Variants in SLC39A11 observed in about 807,000 individuals in gnomAD.
SLC39A11 encodes the protein solute carrier family 39 member 11, also known as zinc transporter ZIP11.
A neutral mutation model predicts 36.1 loss-of-function variants in SLC39A11; 33 were observed. The observed-to-expected ratio is 0.91, with a 90% CI of 0.69 to 1.22. The LOEUF (loss-of-function observed/expected upper bound fraction) is 1.22. Among genes scored for constraint, SLC39A11 ranks in the 50% most tolerant of loss-of-function variants. SLC39A11 has a pLI of 0.00. For missense variants in SLC39A11, 432 were observed against 430.3 expected (o/e 1.00, Z -0.03); for synonymous variants, 166 against 170.3 (o/e 0.97, Z 0.20).
chr17:73,007,214 A>G (rs113730803), intron 4 of SLC39A11, among the ~76,000 whole-genome samples: 1,763 of 152,278 alleles, frequency 0.012, 30 homozygotes, highest in African/African-American at 0.04. Flanking sequence ...CGAGGTCAGA[A>G]GTTCAAGACC....
In SLC39A11 at chr17:72,814,915, A is replaced by G. The variant is rs540942044; in HGVS notation, c.601+34719T>C. 6.4e-4 allele frequency among the ~76,000 whole-genome samples: 97 copies of G among 152,258 alleles called. 2 individuals carry two copies. Among genetic ancestry groups the G allele is most frequent in the Admixed American group, 3.9e-4 (6 of 15,296 alleles). On this transcript the variant is annotated intron_variant, in intron 6 of 9. Coordinates refer to ENST00000255559, the MANE Select transcript of SLC39A11 (RefSeq NM_139177.4). ...TAAATTATAACTGTAACCTTTAGGG[A>G]AGGCCTTTTGTCACTCACCACCCAA...
intron 6 of SLC39A11, among the ~76,000 whole-genome samples, chr17:72,810,289 C>T (rs1364535579): frequency 1.3e-5 from 2 of 152,100 alleles, no homozygotes; most frequent in African/African-American, 4.8e-5. Flanking sequence ...CATCAAAACA[C>T]AAATACAAAA....
intron 6 of SLC39A11, among the ~76,000 whole-genome samples, chr17:72,828,849 G>A (rs1308487278): frequency 3.9e-5 from 6 of 152,192 alleles, no homozygotes; most frequent in Non-Finnish European, 7.3e-5. Context: ...ACCCTGGTGG[G>A]CTCTGCACCC....
intron 5 of SLC39A11, among the ~76,000 whole-genome samples, chr17:72,881,562 A>G (rs1598259344): frequency 6.6e-6 from 1 of 152,238 alleles, no homozygotes; most frequent in African/African-American, 2.4e-5. Flanking sequence ...AAAAGAGAAT[A>G]TGATATATGT....
chr17:72,658,773 A>C (rs1003255670), intron 7 of SLC39A11, among the ~76,000 whole-genome samples: 1 of 152,046 alleles, frequency 6.6e-6, no homozygotes, highest in Non-Finnish European at 1.5e-5. Context: ...CCTTTCCTTT[A>C]ACTGAAAAAT....
intron 6 of SLC39A11, among the ~76,000 whole-genome samples, chr17:72,834,053 G>A (rs2078404980): frequency 6.6e-6 from 1 of 152,098 alleles, no homozygotes; most frequent in South Asian, 2.1e-4. Context: ...CTCCTCCCAA[G>A]GCAAGCTTGG....
chr17:72,724,285 C>G (rs1249097443), intron 7 of SLC39A11, among the ~76,000 whole-genome samples: 1 of 152,144 alleles, frequency 6.6e-6, no homozygotes, highest in Admixed American at 6.5e-5. Flanking sequence ...GTTCGCTTCC[C>G]AGCCCTCAAT....
chr17:72,887,324 C>T (rs1435641489), intron 5 of SLC39A11, among the ~76,000 whole-genome samples: 4 of 152,208 alleles, frequency 2.6e-5, no homozygotes, highest in African/African-American at 7.2e-5. Context: ...AGGGGCTATG[C>T]AACAGGACAG....
At chr17:72,659,685 C>T (rs969050519) in intron 7 of SLC39A11, among the ~76,000 whole-genome samples, 2 of 147,292 alleles carry the variant, frequency 1.4e-5, no homozygotes, top group Non-Finnish European at 3.0e-5. Flanking sequence ...CGGGTTCAAG[C>T]AATTCTCCTG....
At chr17:72,873,036 A>G (rs975932751) in intron 5 of SLC39A11, among the ~76,000 whole-genome samples, 4 of 148,098 alleles carry the variant, frequency 2.7e-5, no homozygotes, top group African/African-American at 7.5e-5. Context: ...CCTGGGCGAC[A>G]GGGGCAAGAC....
chr17:72,975,619 G>A (rs59637837), intron 4 of SLC39A11, among the ~76,000 whole-genome samples: 6,625 of 152,218 alleles, frequency 0.044, 512 homozygotes, highest in African/African-American at 0.15. Flanking sequence ...CCAGACCTGT[G>A]AGAAATAAAT....
chr17:72,790,459 A>G (rs2076663267), intron 6 of SLC39A11, among the ~76,000 whole-genome samples: 1 of 152,166 alleles, frequency 6.6e-6, no homozygotes, highest in Non-Finnish European at 1.5e-5. Context: ...ACAGACCTGA[A>G]GCGCTGCTTC....
At chr17:73,032,848 T>C (rs114466654) in intron 3 of SLC39A11, among the ~76,000 whole-genome samples, 250 of 152,334 alleles carry the variant, frequency 1.6e-3, no homozygotes, top group African/African-American at 5.7e-3. Context: ...TTTGATATCT[T>C]ATCTTTTCAT....
chr17:72,789,440 G>A (rs1199060143), intron 6 of SLC39A11, among the ~76,000 whole-genome samples: 4 of 152,182 alleles, frequency 2.6e-5, no homozygotes, highest in African/African-American at 9.7e-5. Context: ...ACTTGTTAGG[G>A]CAAAGGGCAC....
At position 73,055,251 on chromosome 17, in the gene SLC39A11, G is replaced by A. The variant is rs1310829356; in HGVS notation, c.148-23537C>T. ...ACATTCATTCATGCGTGACATTGGG[G>A]TGGGGCAGAGGGGAGTTCATGCACA... On this transcript the variant is annotated intron_variant, in intron 3 of 9. Coordinates refer to ENST00000255559, the MANE Select transcript of SLC39A11 (RefSeq NM_139177.4). Among the ~76,000 whole-genome samples, 3 of 152,088 alleles carry A rather than the reference G, an allele frequency of 2.0e-5. No homozygotes were observed. In the South Asian group the frequency reaches 6.2e-4, roughly 32 times the overall value.
chr17:72,848,571 A>C (rs2079154725), intron 6 of SLC39A11, among the ~76,000 whole-genome samples: 1 of 152,062 alleles, frequency 6.6e-6, no homozygotes, highest in East Asian at 1.9e-4. Flanking sequence ...AATACAAAAA[A>C]TTAGCAAGGC....
chr17:73,058,493 C>A (rs770937012), intron 3 of SLC39A11, among the ~76,000 whole-genome samples: 2 of 152,110 alleles, frequency 1.3e-5, no homozygotes, highest in African/African-American at 4.8e-5. Context: ...CAGGCCCAGA[C>A]GGGCAGATCA....
intron 4 of SLC39A11, among the ~76,000 whole-genome samples, chr17:72,964,447 C>A (rs1219812357): frequency 6.6e-6 from 1 of 152,200 alleles, no homozygotes; most frequent in Non-Finnish European, 1.5e-5. Context: ...AATTAAAATC[C>A]TCCTCAAATG....
intron 7 of SLC39A11, among the ~76,000 whole-genome samples, chr17:72,663,571 G>C (rs547770534): frequency 1.3e-5 from 2 of 152,226 alleles, no homozygotes; most frequent in Admixed American, 1.3e-4. Flanking sequence ...ATGTGATTTT[G>C]AACTTTATAT....
Sources: gnomAD v4.1 joint callset for allele counts (sites outside exome capture counted in the v4.1 genomes callset) on GRCh38, gnomAD v4.1.1 for gene constraint, MANE v1.5 for transcripts, NCBI Gene and HGNC (gene_info 2026-07-23, HGNC 2026-07-21) for gene names.